Variants in ERBB4 observed in about 807,000 individuals in gnomAD.
The protein encoded by ERBB4 is erb-b2 receptor tyrosine kinase 4.
Under a neutral mutation model 158.0 loss-of-function variants are expected in ERBB4, and 42 were observed. The observed-to-expected ratio is 0.27, with a 90% CI of 0.21 to 0.34. The LOEUF is 0.34. Ranked by LOEUF, ERBB4 falls within the 10% of genes least tolerant of loss-of-function variation. ERBB4 has a pLI of 1.00. For missense variants in ERBB4, 1,333 were observed against 1,624.1 expected (o/e 0.82, Z 3.08); for synonymous variants, 583 against 558.7 (o/e 1.04, Z -0.61).
chr2:212,157,048 CA>C (rs1352630776), intron 1 of ERBB4, among the ~76,000 whole-genome samples: 1 of 152,074 alleles, frequency 6.6e-6, no homozygotes, highest in Non-Finnish European at 1.5e-5. Context: ...CATTCCCCTG[CA>C]AAAACATGTC....
chr2:212,112,675 G>A (rs573885911), intron 2 of ERBB4, among the ~76,000 whole-genome samples: 197 of 152,234 alleles, frequency 1.3e-3, no homozygotes, highest in Non-Finnish European at 1.8e-3. Context: ...CTTACAAAAT[G>A]TGAATAACAA....
intron 1 of ERBB4, among the ~76,000 whole-genome samples, chr2:212,248,228 T>G (rs1309162489): frequency 6.6e-6 from 1 of 152,126 alleles, no homozygotes; most frequent in Non-Finnish European, 1.5e-5. Context: ...ATTAAAGAAT[T>G]TACTTGAAGA....
intron 3 of ERBB4, among the ~76,000 whole-genome samples, chr2:211,876,440 A>G (rs745726412): frequency 1.7e-4 from 26 of 152,158 alleles, no homozygotes; most frequent in Admixed American, 6.6e-5. Context: ...TGTTTATTTC[A>G]AAATTTTACC....
At chr2:211,694,574 A>G (rs1254804808) in intron 12 of ERBB4, among the ~76,000 whole-genome samples, 1 of 116,802 alleles carries the variant, frequency 8.6e-6, no homozygotes, top group East Asian at 2.2e-4. Flanking sequence ...TTTTTTTTTT[A>G]CAAAGAACAG....
At chr2:212,429,986 G>A (rs1175671570) in intron 1 of ERBB4, among the ~76,000 whole-genome samples, 4 of 152,174 alleles carry the variant, frequency 2.6e-5, no homozygotes, top group South Asian at 2.1e-4. Context: ...TCATACATAT[G>A]CAGAATTGCA....
At chr2:212,490,224 T>C (rs1690199434) in intron 1 of ERBB4, among the ~76,000 whole-genome samples, 3 of 151,906 alleles carry the variant, frequency 2.0e-5, no homozygotes, top group Admixed American at 2.0e-4. Flanking sequence ...CTATATACTA[T>C]AGTTTGTCAT....
rs572731225 is a variant in ERBB4, at chr2:212,117,710, T to C, written c.234+7042A>G. Among the ~76,000 whole-genome samples, 165 of 152,200 alleles carry C rather than the reference T, an allele frequency of 1.1e-3. 1 individual carries two copies. The Middle Eastern group carries it at 0.017, about 16-fold the overall frequency. On this transcript the variant is annotated intron_variant, in intron 2 of 27. Transcript: ENST00000342788. Reference sequence around the variant, plus strand: ...CTTAAATCATCTTTTTTGGGAAATATGAGATTGTAATTCATGTGGACCCAC... The same window carrying C: ...CTTAAATCATCTTTTTTGGGAAATACGAGATTGTAATTCATGTGGACCCAC...
chr2:211,915,435 T>TTATATATATATATATATATATATATA (rs1289522405), intron 3 of ERBB4, among the ~76,000 whole-genome samples: 4 of 135,532 alleles, frequency 3.0e-5, no homozygotes, highest in South Asian at 2.3e-4. Context: ...AGTTCAAACA[T>TTATATATATATATATATATATATATA]TACATATATA....
At chr2:211,654,689 G>A (rs950090657) in intron 16 of ERBB4, among the ~76,000 whole-genome samples, 2 of 152,134 alleles carry the variant, frequency 1.3e-5, no homozygotes, top group African/African-American at 2.4e-5. Context: ...AGGGTTATAA[G>A]AATTCTCAGT....
chr2:212,156,486 G>A (rs902239181), intron 1 of ERBB4, among the ~76,000 whole-genome samples: 3 of 152,082 alleles, frequency 2.0e-5, no homozygotes, highest in African/African-American at 7.2e-5. Flanking sequence ...TTGTCAGCCC[G>A]AGGCGGGGAA....
intron 1 of ERBB4, among the ~76,000 whole-genome samples, chr2:212,199,173 T>C (rs1407861123): frequency 6.6e-6 from 1 of 152,122 alleles, no homozygotes; most frequent in Non-Finnish European, 1.5e-5. Context: ...TAGAAAATAT[T>C]TTTATAATTT....
At chr2:212,429,479 G>A (rs932863553) in intron 1 of ERBB4, among the ~76,000 whole-genome samples, 1 of 152,166 alleles carries the variant, frequency 6.6e-6, no homozygotes, top group Non-Finnish European at 1.5e-5. Context: ...CAAAGGAGGA[G>A]GCTGTCATAA....
At chr2:212,019,657 G>T (rs1426551273) in intron 2 of ERBB4, among the ~76,000 whole-genome samples, 2 of 151,502 alleles carry the variant, frequency 1.3e-5, no homozygotes, top group African/African-American at 4.9e-5. Flanking sequence ...CAGCTACTTA[G>T]GTGGCTGAGG....
At chr2:212,144,162 T>G (rs2080584245) in intron 1 of ERBB4, among the ~76,000 whole-genome samples, 1 of 152,126 alleles carries the variant, frequency 6.6e-6, no homozygotes, top group Admixed American at 6.5e-5. Context: ...GCATGCTAAC[T>G]TTTTTTCAGT....
chr2:212,084,042 A>C (rs901499273), intron 2 of ERBB4, among the ~76,000 whole-genome samples: 2 of 151,932 alleles, frequency 1.3e-5, no homozygotes, highest in African/African-American at 4.8e-5. Flanking sequence ...CATCTACACA[A>C]AAGATAATCA....
chr2:212,430,505 A>G (rs2092004367), intron 1 of ERBB4, among the ~76,000 whole-genome samples: 1 of 150,156 alleles, frequency 6.7e-6, no homozygotes, highest in Non-Finnish European at 1.5e-5. Flanking sequence ...CAGTGGCGCG[A>G]TCTTGGCTCA....
intron 3 of ERBB4, among the ~76,000 whole-genome samples, chr2:211,867,528 C>A (rs888233269): frequency 6.6e-6 from 1 of 152,154 alleles, no homozygotes; most frequent in African/African-American, 2.4e-5. Flanking sequence ...AATGGTAACA[C>A]TTTACACATA....
chr2:211,738,361 G>GTTTTGTTTTTTTTTTT (rs1559473744), intron 5 of ERBB4, among the ~76,000 whole-genome samples: 1 of 135,342 alleles, frequency 7.4e-6, no homozygotes, highest in African/African-American at 2.6e-5. Flanking sequence ...CTTTGTTTTT[G>GTTTTGTTTTTTTTTTT]TTTTTTTTTT....
chr2:212,071,518 T>C (rs1167641162), intron 2 of ERBB4, among the ~76,000 whole-genome samples: 2 of 151,994 alleles, frequency 1.3e-5, no homozygotes, highest in Non-Finnish European at 2.9e-5. Flanking sequence ...AGTTCATGAA[T>C]GTACTTTTTG....
Sources: allele counts gnomAD v4.1 joint callset (sites outside exome capture counted in the v4.1 genomes callset), GRCh38; gene constraint gnomAD v4.1.1; transcripts MANE v1.5; gene names NCBI Gene and HGNC (gene_info 2026-07-23, HGNC 2026-07-21).